CFAP20DC: variants seen among roughly 807,000 people sequenced by gnomAD.
The protein encoded by CFAP20DC is protein CFAP20DC.
CFAP20DC carries 84 observed loss-of-function variants against 101.7 expected under a neutral mutation model. The ratio of observed to expected loss-of-function variants is 0.83; its 90% CI spans 0.69 to 0.99. The LOEUF (loss-of-function observed/expected upper bound fraction) is 0.99. Among genes scored for constraint, CFAP20DC ranks in the 50% least tolerant of loss-of-function variants. The pLI, the probability that CFAP20DC is intolerant of heterozygous loss-of-function variation, is 0.00. For missense variants in CFAP20DC, 1,007 were observed against 970.3 expected, an observed-to-expected ratio of 1.04 and a Z score of -0.50; for synonymous variants, 359 against 351.2, an observed-to-expected ratio of 1.02 and a Z score of -0.25.
In CFAP20DC at chr3:58,861,464, C is replaced by T. The variant is rs933124849; in HGVS notation, c.1593+2094G>A. The T allele has an allele frequency of 1.1e-5, 10 of 908,260 alleles. No individual in the cohort carries two copies. In the East Asian group the frequency reaches 4.7e-4, roughly 43 times the overall value. 56.3% of individuals were successfully genotyped at this position (908,260 alleles called of 1,614,324 possible). On this transcript the variant is annotated intron_variant, in intron 12 of 16. Coordinates refer to ENST00000482387, the MANE Select transcript of CFAP20DC (RefSeq NM_001394063.1). The surrounding 1 kb of genome is among the most constrained non-coding windows in gnomAD (Gnocchi z 4.0). ...TAAATAAACATTGTAAATATGTAGCCTAATTTCCCATTGATTTATACAATT... is the reference window on the plus strand; with the variant it reads ...TAAATAAACATTGTAAATATGTAGCTTAATTTCCCATTGATTTATACAATT...
intron 15 of CFAP20DC, among the ~76,000 whole-genome samples, chr3:58,776,031 T>C (rs1342423250): frequency 6.6e-6 from 1 of 152,134 alleles, no homozygotes; most frequent in African/African-American, 2.4e-5. Flanking sequence ...CGTGAGCCAC[T>C]GTGCCCAGCC....
intron 16 of CFAP20DC, among the ~76,000 whole-genome samples, chr3:58,752,476 C>CT (rs1160677508): frequency 6.6e-6 from 1 of 152,110 alleles, no homozygotes; most frequent in Non-Finnish European, 1.5e-5. Flanking sequence ...GCAATGGTGA[C>CT]TTTAAGACAT....
In CFAP20DC at chr3:59,047,255, C is replaced by T; in HGVS notation, c.22-1G>A. ...TGAAAATTTCAACAAATGCACCTCC[C>T]TAGAAAATGAAAATAAAATATTAAA... On this transcript the variant is annotated splice_acceptor_variant, in intron 1 of 16. Coordinates refer to ENST00000482387, the MANE Select transcript of CFAP20DC (RefSeq NM_001394063.1). LOFTEE classifies it high-confidence loss of function. 6.6e-7 allele frequency: 1 copy of T among 1,525,766 alleles called. No individual in the cohort carries two copies. 94.5% of individuals were successfully genotyped at this position (1,525,766 alleles called of 1,614,324 possible). A position where few individuals can be genotyped will look rare whatever the true frequency, so the allele number is the denominator to read the frequency against.
chr3:58,776,147 T>G (rs1192786529), intron 15 of CFAP20DC, among the ~76,000 whole-genome samples: 1 of 152,124 alleles, frequency 6.6e-6, no homozygotes, highest in Non-Finnish European at 1.5e-5. Flanking sequence ...GGGGTGAGCA[T>G]GAGACCCAAG....
rs185280012 is a variant in CFAP20DC at position 58,816,692 on chromosome 3, A to G, written c.2176-10236T>C. 7.4e-3 allele frequency among the ~76,000 whole-genome samples: 1,133 copies of G among 152,310 alleles called. 5 individuals are homozygous for G. The highest frequency in any genetic ancestry group is 0.014 in the Non-Finnish European group (919 of 68,026). ...CACAGCAGTCTGAGATCAAACTGCA[A>G]GGTGGAAGCGAGGCTGGGGGAGGGG... On this transcript the variant is annotated intron_variant, in intron 14 of 16. Coordinates refer to ENST00000482387, the MANE Select transcript of CFAP20DC (RefSeq NM_001394063.1).
rs1399261565 is a variant in CFAP20DC, at chr3:58,724,019, T to C, written c.198-6391A>G. Among the ~76,000 whole-genome samples the C allele has an allele frequency of 6.6e-6, 1 of 152,200 alleles. No individual in the cohort carries two copies. The highest frequency in any genetic ancestry group is 1.5e-5 in the Non-Finnish European group (1 of 68,032). On this transcript the variant is annotated intron_variant, in intron 3 of 3. Transcript: ENST00000486145. The surrounding 1 kb of genome is among the most constrained non-coding windows in gnomAD (Gnocchi z 5.6). ...CAAACATTCATTCGCTGGTCTCTGTTCTTGGGGAAGTAACATAGATACAAA... is the reference window on the plus strand; with the variant it reads ...CAAACATTCATTCGCTGGTCTCTGTCCTTGGGGAAGTAACATAGATACAAA...
At chr3:58,925,211 A>G (rs2085818157) in intron 5 of CFAP20DC, among the ~76,000 whole-genome samples, 1 of 151,968 alleles carries the variant, frequency 6.6e-6, no homozygotes, top group Non-Finnish European at 1.5e-5. Flanking sequence ...GGACATTGTG[A>G]CTACTGTGTT....
chr3:58,808,370 C>T (rs2074297285), intron 14 of CFAP20DC, among the ~76,000 whole-genome samples: 1 of 152,170 alleles, frequency 6.6e-6, no homozygotes. Context: ...GATCTCTCAG[C>T]AGAAATTCTA....
At chr3:58,733,031 G>A (rs1287151564) in intron 3 of CFAP20DC, among the ~76,000 whole-genome samples, 2 of 152,190 alleles carry the variant, frequency 1.3e-5, no homozygotes, top group African/African-American at 4.8e-5. Context: ...GTCTGAAATT[G>A]TATAAAATCT....
intron 4 of CFAP20DC, among the ~76,000 whole-genome samples, chr3:58,970,920 A>G (rs1041412179): frequency 9.2e-5 from 14 of 152,094 alleles, no homozygotes; most frequent in African/African-American, 2.9e-4. Flanking sequence ...CCTTCCTTGG[A>G]GAAGTTACTG....
chr3:58,734,164 C>T (rs1369072445), intron 3 of CFAP20DC, among the ~76,000 whole-genome samples: 2 of 152,198 alleles, frequency 1.3e-5, no homozygotes, highest in African/African-American at 4.8e-5. Flanking sequence ...CATGGTGAGA[C>T]ATGGTGGCTT....
chr3:58,760,543 T>C (rs1364954309), intron 15 of CFAP20DC, among the ~76,000 whole-genome samples: 2 of 152,162 alleles, frequency 1.3e-5, no homozygotes, highest in Admixed American at 6.5e-5. Context: ...TCCTGCCTGA[T>C]TGCCCTGGCC....
At chr3:58,980,771 A>C (rs141560415) in intron 4 of CFAP20DC, among the ~76,000 whole-genome samples, 15 of 152,218 alleles carry the variant, frequency 9.9e-5, no homozygotes, top group Non-Finnish European at 2.1e-4. Flanking sequence ...CAAAAACTAG[A>C]GGCATTACCT....
chr3:58,877,003 A>G (rs1195577764), intron 7 of CFAP20DC, among the ~76,000 whole-genome samples: 1 of 152,216 alleles, frequency 6.6e-6, no homozygotes, highest in Non-Finnish European at 1.5e-5. Context: ...GACTGGGATA[A>G]TCGTAGTACT....
chr3:58,957,767 G>A (rs1351391742), intron 4 of CFAP20DC, among the ~76,000 whole-genome samples: 4 of 152,106 alleles, frequency 2.6e-5, no homozygotes, highest in African/African-American at 7.2e-5. Context: ...AACATTGAAT[G>A]TTCTGACCTA....
chr3:58,837,675 G>C (rs1250630421), intron 13 of CFAP20DC, among the ~76,000 whole-genome samples: 1 of 152,160 alleles, frequency 6.6e-6, no homozygotes, highest in East Asian at 1.9e-4. Flanking sequence ...GTGAAAAAAA[G>C]TATTTTGTAA....
intron 4 of CFAP20DC, among the ~76,000 whole-genome samples, chr3:58,993,107 T>C (rs1168723151): frequency 1.3e-5 from 2 of 152,318 alleles, no homozygotes; most frequent in African/African-American, 2.4e-5. Context: ...AATAGAATAG[T>C]AGTGTTGAAT....
intron 5 of CFAP20DC, among the ~76,000 whole-genome samples, chr3:58,916,336 C>A (rs1238285575): frequency 6.6e-6 from 1 of 152,058 alleles, no homozygotes; most frequent in Admixed American, 6.6e-5. Flanking sequence ...GTTACACCAC[C>A]AGCTCTGCTT....
Position 58,937,674 on chromosome 3 carries a change from G to T in CFAP20DC, c.367C>A (p.Pro123Thr). The change falls in exon 5 of 17, where the codon CCA (proline) becomes ACA (threonine). Residue 123 changes from proline to threonine, a missense_variant. Transcript: ENST00000482387. ...ATTTTACGTTTGATCATGAAGAGTG[G>T]AATTTTTGCATGAAGAGGGGTGGAG... The part of the protein sequence containing the change: ...LSSTPLHAKI[P>T]LFMIKRKIWC... The T allele has an allele frequency of 6.2e-7, 1 of 1,609,466 alleles. No homozygotes were observed. Among genetic ancestry groups the T allele is most frequent in the Non-Finnish European group, 8.5e-7 (1 of 1,175,878 alleles).
Sources: gnomAD v4.1 joint callset for allele counts (sites outside exome capture counted in the v4.1 genomes callset) on GRCh38, gnomAD v4.1.1 for gene constraint, Gnocchi (gnomAD v3.1) non-coding constraint, MANE v1.5 for transcripts, NCBI Gene and HGNC (gene_info 2026-07-23, HGNC 2026-07-21) for gene names.